NOL8: variants seen among roughly 807,000 people sequenced by gnomAD.
NOL8 encodes nucleolar protein Nop132.
NOL8 carries 93 observed loss-of-function variants against 116.1 expected under a neutral mutation model. That is an observed-to-expected ratio of 0.80 (90% CI 0.68 to 0.95). The LOEUF is 0.95. Ranked by LOEUF, NOL8 falls within the 40% of genes least tolerant of loss-of-function variation. The pLI is 0.00. For synonymous variants in NOL8, 419 were observed against 469.0 expected (o/e 0.89, Z 1.38); for missense variants, 1,291 against 1,382.8 (o/e 0.93, Z 1.05).
At chr9:92,303,271 G>A (rs901808421) in intron 12 of NOL8, among the ~76,000 whole-genome samples, 1 of 152,166 alleles carries the variant, frequency 6.6e-6, no homozygotes, top group Non-Finnish European at 1.5e-5. Flanking sequence ...GTCTAAAGAA[G>A]GGGTTGGCAA....
Position 92,315,409 on chromosome 9 carries a change from A to G in NOL8, c.1216T>C (p.Ser406Pro), listed in dbSNP as rs149236794. 0.011 allele frequency: 18,133 copies of G among 1,590,236 alleles called. 114 individuals are homozygous for G. Among genetic ancestry groups the G allele is most frequent in the Non-Finnish European group, 0.013 (15,211 of 1,166,728 alleles). The change falls in exon 7 of 17, where the codon TCT (serine) becomes CCT (proline). Residue 406 changes from serine (S) to proline (P), a missense_variant. By Grantham distance (74) the Ser-to-Pro change is moderately conservative. Transcript: ENST00000442668. ...NSTEFSQMEK[S>P]TKKTSFKNRE... ...TTTTTGAAAGAAGTTTTCTTCGTAGATTTTTCCATTTGTGAAAATTCTGTA... is the reference window on the plus strand; with the variant it reads ...TTTTTGAAAGAAGTTTTCTTCGTAGGTTTTTCCATTTGTGAAAATTCTGTA...
chr9:92,321,170 C>T (rs988056374), intron 4 of NOL8, among the ~76,000 whole-genome samples: 2 of 152,172 alleles, frequency 1.3e-5, no homozygotes, highest in African/African-American at 2.4e-5. Context: ...GCAGACAATG[C>T]TAAGATTCAG....
At chr9:92,300,781 G>T in intron 13 of NOL8, 3 of 1,161,410 alleles carry the variant, frequency 2.6e-6, no homozygotes, top group Non-Finnish European at 3.3e-6. Flanking sequence ...TTGCACCACT[G>T]CACTCCAGCC....
At position 92,314,458 on chromosome 9, in the gene NOL8, A is replaced by G. The variant is rs1839167408; in HGVS notation, c.2167T>C (p.Ser723Pro). 3.1e-6 allele frequency: 5 copies of G among 1,612,548 alleles called. No homozygotes were observed. Among genetic ancestry groups the G allele is most frequent in the Non-Finnish European group, 4.2e-6 (5 of 1,178,732 alleles). The change falls in exon 7 of 17, where the codon TCA becomes CCA. Residue 723 changes from serine (S) to proline (P), a missense_variant. By Grantham distance (74) the Ser-to-Pro change is moderately conservative. Coordinates refer to ENST00000442668, the MANE Select transcript of NOL8 (RefSeq NM_017948.6). ...GTGTCCTTGGATGAGACCTTTGGTG[A>G]TTTCTTGAGAGATGTGAGGCCGCTT... is the stretch of plus-strand genomic sequence containing the variant. ...DSSGLTSLKK[S>P]PKVSSKDTRE...
intron 8 of NOL8, 172 bp downstream of exon 8, chr9:92,310,974 G>C (rs548551659): frequency 5.0e-6 from 3 of 604,320 alleles, no homozygotes; most frequent in Admixed American, 6.1e-5. Flanking sequence ...GGAGAATATA[G>C]GTTCATATAT....
At chr9:92,298,984 A>G in intron 14 of NOL8, 30 bp from the exon 15 acceptor site, 1 of 1,279,450 alleles carries the variant, frequency 7.8e-7, no homozygotes, top group Non-Finnish European at 1.1e-6. Flanking sequence ...GGAGAGAGAA[A>G]AATAGGTATT....
intron 14 of NOL8, among the ~76,000 whole-genome samples, chr9:92,299,325 C>T (rs1164017316): frequency 6.6e-6 from 1 of 152,202 alleles, no homozygotes; most frequent in Non-Finnish European, 1.5e-5. Flanking sequence ...CATCCTGTTT[C>T]CAGACCAGTG....
rs1287262308 is a variant in NOL8 at position 92,321,714 on chromosome 9, C to A, written c.235G>T (p.Gly79Cys). 3 of 1,529,516 alleles carry A rather than the reference C, an allele frequency of 2.0e-6. No individual in the cohort carries two copies. The East Asian group carries it at 7.4e-5, about 38-fold the overall frequency. 94.7% of individuals were successfully genotyped at this position (1,529,516 alleles called of 1,614,324 possible). A position where few individuals can be genotyped will look rare whatever the true frequency, so the allele number is the denominator to read the frequency against. The change falls in exon 4 of 17, where the codon GGT becomes TGT. Residue 79 changes from glycine (G) to cysteine (C), a missense_variant. Gly to Cys is a radical substitution (Grantham distance 159). Transcript: ENST00000442668. ...GCTAGTTGAATTTGTAATGTTCCACCTTTCCATTTTGTTTTATTTAAAACA... is the reference window on the plus strand; with the variant it reads ...GCTAGTTGAATTTGTAATGTTCCACATTTCCATTTTGTTTTATTTAAAACA... Reference protein sequence around the residue: ...MSVLNKTKWKGGTLQIQLAKE... With the variant: ...MSVLNKTKWKCGTLQIQLAKE...
chr9:92,298,316 C>T lies in NOL8; in HGVS notation c.3394G>A (p.Gly1132Arg), dbSNP rs1837424594. The change falls in exon 16 of 17, where the codon GGA (glycine) becomes AGA (arginine). Residue 1132 changes from glycine (G) to arginine (R), a missense_variant. By Grantham distance (125) the Gly-to-Arg change is moderately radical. Coordinates refer to ENST00000442668, the MANE Select transcript of NOL8 (RefSeq NM_017948.6). ...RLQGSDLFWRGVGSNMSRNSW... is the reference protein window; with the variant it reads ...RLQGSDLFWRRVGSNMSRNSW... ...TTCCTGCTCATATTACTTCCTACTC[C>T]TCTCCAGAATAAGTCAGAACCTATT... The T allele has an allele frequency of 6.2e-7, 1 of 1,607,442 alleles. No individual in the cohort carries two copies. The highest frequency in any genetic ancestry group is 1.3e-5 in the African/African-American group (1 of 74,722).
intron 5 of NOL8, chr9:92,318,926 T>C (rs1839673312): frequency 3.9e-6 from 2 of 509,310 alleles, no homozygotes; most frequent in Non-Finnish European, 3.4e-6. Context: ...CAAAAAACAC[T>C]GGCTGCTAAT....
At chr9:92,321,084 T>C (rs1293052932) in intron 4 of NOL8, among the ~76,000 whole-genome samples, 1 of 152,266 alleles carries the variant, frequency 6.6e-6, no homozygotes, top group Non-Finnish European at 1.5e-5. Context: ...TCCTATTTCC[T>C]TTATATTTTG....
intron 6 of NOL8, among the ~76,000 whole-genome samples, chr9:92,318,147 A>G (rs1381471060): frequency 6.6e-6 from 1 of 151,954 alleles, no homozygotes; most frequent in East Asian, 1.9e-4. Context: ...ACCTCACTGA[A>G]TAGGCATTAG....
In NOL8 at chr9:92,310,570, C is replaced by T; in HGVS notation, c.2578G>A (p.Gly860Ser). Residue 860 changes from glycine to serine, a missense_variant, in exon 9 of 17, where the codon GGC becomes AGC. Transcript: ENST00000442668. ...NRFKIKPQFE[G>S]RAGQKLMDLQ... ...TCACTAACCTTCTGTCCAGCTCTGC[C>T]CTCAAACTGAGGTTTAATTTTGAAC... 1 of 1,609,386 alleles carries T rather than the reference C, an allele frequency of 6.2e-7. No individual in the cohort carries two copies. The highest frequency in any genetic ancestry group is 1.1e-5 in the South Asian group (1 of 89,958).
chr9:92,301,173 C>T (rs1279609140), intron 13 of NOL8, among the ~76,000 whole-genome samples: 2 of 152,204 alleles, frequency 1.3e-5, no homozygotes, highest in African/African-American at 4.8e-5. Flanking sequence ...TTACCTATAT[C>T]TTCTTTTATC....
intron 6 of NOL8, among the ~76,000 whole-genome samples, chr9:92,317,236 A>G (rs1740723903): frequency 6.6e-6 from 1 of 152,210 alleles, no homozygotes; most frequent in African/African-American, 2.4e-5. Context: ...CTGGGATTAC[A>G]GGTGTGAGCC....
chr9:92,306,150 T>G (rs1587959398), intron 11 of NOL8, among the ~76,000 whole-genome samples: 1 of 152,198 alleles, frequency 6.6e-6, no homozygotes, highest in East Asian at 1.9e-4. Flanking sequence ...TGTGCCACCA[T>G]GCCCGGCTAA....
chr9:92,323,971 T>C, intron 2 of NOL8, 52 bp downstream of exon 2: 3 of 1,588,370 alleles, frequency 1.9e-6, no homozygotes, highest in South Asian at 2.3e-5. Flanking sequence ...TTTCTAGCAC[T>C]TAACCTGAGT....
At position 92,315,463 on chromosome 9, in the gene NOL8, T is replaced by C. The variant is rs1228570909; in HGVS notation, c.1162A>G (p.Lys388Glu). The C allele has an allele frequency of 1.2e-6, 2 of 1,600,464 alleles. No homozygotes were observed. Among genetic ancestry groups the C allele is most frequent in the African/African-American group, 2.7e-5 (2 of 74,964 alleles). Residue 388 changes from lysine to glutamate, a missense_variant, in exon 7 of 17, where the codon AAA becomes GAA. Lys to Glu is a moderately conservative substitution (Grantham distance 56). Transcript: ENST00000442668. ...SGDTDEIIAM[K>E]KNVAKVKNST... ...TTTTTGACCTTAGCAACATTTTTTTTCATCGCAATAATTTCATCTGTATCT... is the reference window on the plus strand; with the variant it reads ...TTTTTGACCTTAGCAACATTTTTTTCCATCGCAATAATTTCATCTGTATCT...
chr9:92,315,162 A>T lies in NOL8; in HGVS notation c.1463T>A (p.Leu488Ter). Reference sequence around the variant, plus strand: ...GCCAGCCAATTGTTCCAAATCAGCTAAAGTGAGATTCACACGAAGGCAGTT... The same window carrying T: ...GCCAGCCAATTGTTCCAAATCAGCTTAAGTGAGATTCACACGAAGGCAGTT... ...MKNCLRVNLT[L>*]ADLEQLAGSD... Residue 488 changes from leucine to a stop codon, truncating the protein, a stop_gained, in exon 7 of 17, where the codon TTA becomes TAA. Transcript: ENST00000442668. LOFTEE classifies it high-confidence loss of function. 1.9e-6 allele frequency: 3 copies of T among 1,613,984 alleles called. No homozygotes were observed. The highest frequency in any genetic ancestry group is 2.5e-6 in the Non-Finnish European group (3 of 1,179,882).
Sources: gnomAD v4.1 joint callset for allele counts (sites outside exome capture counted in the v4.1 genomes callset) on GRCh38, gnomAD v4.1.1 for gene constraint, MANE v1.5 for transcripts, NCBI Gene and HGNC (gene_info 2026-07-23, HGNC 2026-07-21) for gene names.